Variants in DCP1A observed in about 807,000 individuals in gnomAD.
DCP1A encodes decapping mRNA 1A.
DCP1A carries 20 observed loss-of-function variants against 58.0 expected under a neutral mutation model. The ratio of observed to expected loss-of-function variants is 0.34; its 90% CI spans 0.24 to 0.50. DCP1A has a LOEUF of 0.50. DCP1A is among the 20% of genes least tolerant of loss of function. DCP1A has a pLI of 0.98. For synonymous variants in DCP1A, 285 were observed against 275.1 expected (o/e 1.04, Z -0.36); for missense variants, 613 against 712.2 (o/e 0.86, Z 1.59).
intron 2 of DCP1A, among the ~76,000 whole-genome samples, chr3:53,343,967 A>G (rs1174281972): frequency 3.3e-5 from 5 of 152,334 alleles, no homozygotes; most frequent in Non-Finnish European, 7.3e-5. Flanking sequence ...GAAAGTGTCT[A>G]AGAAAAAAGA....
intron 6 of DCP1A, among the ~76,000 whole-genome samples, chr3:53,300,710 C>A (rs1258556190): frequency 6.6e-6 from 1 of 151,838 alleles, no homozygotes; most frequent in East Asian, 1.9e-4. Context: ...TGCAGTGGTG[C>A]GATCTTGGCT....
rs1553686307 is a variant in DCP1A, at chr3:53,292,690, G to A, written c.762C>T (p.Pro254=). ...CAAAGGGAAATGGTAGGAATGAATT[G>A]GGCTCTTTCTGGGAGGCATCTCCTG... ...RLPGDASQKE[P]NSFLPFPFEQ... is the part of the protein sequence containing the mutation. Residue 254 remains proline (P), a synonymous_variant, in exon 7 of 10, where the codon CCC becomes CCT. Transcript: ENST00000610213. 1 of 1,613,736 alleles carries A rather than the reference G, an allele frequency of 6.2e-7. No individual in the cohort carries two copies. The highest frequency in any genetic ancestry group is 1.1e-5 in the South Asian group (1 of 91,054).
At chr3:53,316,157 T>C (rs1707806563) in intron 4 of DCP1A, among the ~76,000 whole-genome samples, 1 of 151,484 alleles carries the variant, frequency 6.6e-6, no homozygotes, top group African/African-American at 2.5e-5. Context: ...GATGGACACA[T>C]TTATTTATAT....
At chr3:53,333,668 T>C (rs1222680079) in intron 3 of DCP1A, among the ~76,000 whole-genome samples, 1 of 152,138 alleles carries the variant, frequency 6.6e-6, no homozygotes, top group Admixed American at 6.5e-5. Flanking sequence ...GCTTTATCTG[T>C]CAATTACTAA....
At chr3:53,300,422 C>T (rs1420744371) in intron 6 of DCP1A, among the ~76,000 whole-genome samples, 1 of 150,816 alleles carries the variant, frequency 6.6e-6, no homozygotes, top group Non-Finnish European at 1.5e-5. Flanking sequence ...ACTGCAACCT[C>T]CGCCTCCCGG....
chr3:53,341,008 C>T (rs1575623922), intron 3 of DCP1A, among the ~76,000 whole-genome samples: 1 of 152,078 alleles, frequency 6.6e-6, no homozygotes, highest in Non-Finnish European at 1.5e-5. Context: ...ATTAAAGCAC[C>T]ACAGCTCTTG....
intron 7 of DCP1A, among the ~76,000 whole-genome samples, chr3:53,291,222 T>C (rs1198112146): frequency 2.6e-5 from 4 of 152,204 alleles, no homozygotes; most frequent in Admixed American, 2.6e-4. Context: ...TATAGGTGTA[T>C]GTATTTATGA....
chr3:53,320,052 C>T (rs893572830), intron 3 of DCP1A, among the ~76,000 whole-genome samples: 14 of 151,632 alleles, frequency 9.2e-5, no homozygotes, highest in African/African-American at 2.7e-4. Flanking sequence ...CGCTTGGGCC[C>T]GGGAGGCAGT....
chr3:53,288,366 A>AT, intron 8 of DCP1A, 83 bp from the exon 9 acceptor site: 2 of 1,079,186 alleles, frequency 1.9e-6, no homozygotes, highest in Non-Finnish European at 2.7e-6. Context: ...GGAAACAGGC[A>AT]TAAGCAGCAG....
At chr3:53,332,613 C>G (rs1427580578) in intron 3 of DCP1A, among the ~76,000 whole-genome samples, 1 of 151,906 alleles carries the variant, frequency 6.6e-6, no homozygotes, top group African/African-American at 2.4e-5. Flanking sequence ...GCCTGTAATC[C>G]CAGCACTTTG....
chr3:53,291,215 A>ATTTAT (rs373467642), intron 7 of DCP1A, among the ~76,000 whole-genome samples: 1 of 151,982 alleles, frequency 6.6e-6, no homozygotes, highest in African/African-American at 2.4e-5. Flanking sequence ...GTGGGTATAT[A>ATTTAT]GGTGTATGTA....
intron 6 of DCP1A, among the ~76,000 whole-genome samples, chr3:53,300,024 C>T (rs577348591): frequency 6.6e-6 from 1 of 152,164 alleles, no homozygotes; most frequent in Non-Finnish European, 1.5e-5. Context: ...TATGCCATCA[C>T]GCCCGGCTAC....
chr3:53,303,056 G>C (rs1434491917), intron 6 of DCP1A, among the ~76,000 whole-genome samples: 5 of 151,634 alleles, frequency 3.3e-5, no homozygotes, highest in African/African-American at 1.2e-4. Flanking sequence ...CTCAAGCGAG[G>C]CTCCTACCTC....
intron 4 of DCP1A, among the ~76,000 whole-genome samples, chr3:53,313,382 G>A (rs1553688879): frequency 6.6e-6 from 1 of 150,642 alleles, no homozygotes; most frequent in Non-Finnish European, 1.5e-5. Flanking sequence ...TCACACTACT[G>A]CACTCCAGCC....
chr3:53,317,376 G>T (rs1472230668), intron 4 of DCP1A, among the ~76,000 whole-genome samples: 1 of 152,120 alleles, frequency 6.6e-6, no homozygotes, highest in Non-Finnish European at 1.5e-5. Flanking sequence ...TGTTGGTCAG[G>T]CTGGTCTCGC....
At chr3:53,323,131 C>T (rs1708018648) in intron 3 of DCP1A, among the ~76,000 whole-genome samples, 1 of 152,122 alleles carries the variant, frequency 6.6e-6, no homozygotes, top group Non-Finnish European at 1.5e-5. Flanking sequence ...GCCGAGTTTC[C>T]CATGTTTGGA....
At chr3:53,338,112 T>C (rs1553692133) in intron 3 of DCP1A, 2 of 439,782 alleles carry the variant, frequency 4.5e-6, no homozygotes, top group Non-Finnish European at 9.2e-6. Flanking sequence ...TCGAGCAGAT[T>C]CCTAAACAGC....
intron 5 of DCP1A, 89 bp from the exon 6 acceptor site, chr3:53,304,379 T>G (rs1707405120): frequency 1.1e-6 from 1 of 878,750 alleles, no homozygotes; most frequent in Non-Finnish European, 1.8e-6. Context: ...TTATCAAAAA[T>G]GTTATTTTTT....
intron 3 of DCP1A, among the ~76,000 whole-genome samples, chr3:53,334,229 G>C (rs912445997): frequency 2.6e-5 from 4 of 152,038 alleles, no homozygotes; most frequent in Admixed American, 1.3e-4. Context: ...GTGTGTTACT[G>C]CACTCCAGCC....
Sources: gnomAD v4.1 joint callset for allele counts (sites outside exome capture counted in the v4.1 genomes callset) on GRCh38, gnomAD v4.1.1 for gene constraint, MANE v1.5 for transcripts, NCBI Gene and HGNC (gene_info 2026-07-23, HGNC 2026-07-21) for gene names.